The following FBLN7 variants were observed in gnomAD, a reference collection of about 807,000 sequenced individuals.
FBLN7 encodes the protein fibulin 7.
Under a neutral mutation model 44.0 loss-of-function variants are expected in FBLN7, and 31 were observed. The observed-to-expected ratio is 0.70, with a 90% CI of 0.53 to 0.95. The LOEUF is 0.95. Ranked by LOEUF, FBLN7 falls within the 40% of genes least tolerant of loss-of-function variation. The probability of loss-of-function intolerance (pLI) is 0.00; values close to 1 mark genes in which losing one functional copy is unlikely to be tolerated. For synonymous variants in FBLN7, 262 were observed against 253.4 expected (o/e 1.03, Z -0.32); for missense variants, 573 against 618.5 (o/e 0.93, Z 0.78).
At position 112,187,327 on chromosome 2, in the gene FBLN7, C is replaced by T. The variant is rs766472285; in HGVS notation, c.1141C>T (p.Arg381Cys). The change falls in exon 8 of 8, where the codon CGC (arginine) becomes TGC (cysteine). Residue 381 changes from arginine (R) to cysteine (C), a missense_variant. Physicochemically the swap from Arg to Cys is radical, Grantham distance 180. Coordinates refer to ENST00000331203, the MANE Select transcript of FBLN7 (RefSeq NM_153214.3). The surrounding 1 kb of genome is among the most constrained non-coding windows in gnomAD (Gnocchi z 5.1). ...GTTTGGGATCGTGGGTGGGAACAGC[C>T]GCGGCCACTTTGTGATGCAGCGTTC... ...LRFGIVGGNS[R>C]GHFVMQRSDR... 1.1e-5 allele frequency: 18 copies of T among 1,614,042 alleles called. No individual in the cohort carries two copies. The highest frequency in any genetic ancestry group is 1.1e-4 in the East Asian group (5 of 44,890).
At chr2:112,234,538 C>T in the FBLN7 span, among the ~76,000 whole-genome samples, 3 of 152,126 alleles carry the variant, frequency 2.0e-5, no homozygotes, top group Non-Finnish European at 4.4e-5. Context: ...CAGTGGCTCA[C>T]GCCTGTAATC....
chr2:112,138,634 C>A lies in FBLN7; in HGVS notation c.-22C>A. Reference sequence around the variant, plus strand: ...AGGCAAAGTTATTTCCCCTCCCAGGCAGCGGGATTCCGACTGGCAAGATGG... The same window carrying A: ...AGGCAAAGTTATTTCCCCTCCCAGGAAGCGGGATTCCGACTGGCAAGATGG... On this transcript the variant is annotated 5_prime_UTR_variant, in exon 1 of 8. Transcript: ENST00000331203. 1.2e-6 allele frequency: 2 copies of A among 1,613,828 alleles called. No individual in the cohort carries two copies. Among genetic ancestry groups the A allele is most frequent in the Middle Eastern group, 1.7e-4 (1 of 5,980 alleles).
chr2:112,184,836 T>TAC (rs201187119), intron 6 of FBLN7, among the ~76,000 whole-genome samples: 3,257 of 140,430 alleles, frequency 0.023, 116 homozygotes, highest in African/African-American at 0.087. Flanking sequence ...TACATATATA[T>TAC]ACACACACAC....
the FBLN7 span, among the ~76,000 whole-genome samples, chr2:112,239,095 T>C: frequency 1.6e-3 from 237 of 152,356 alleles, 2 homozygotes; most frequent in African/African-American, 5.6e-3. Context: ...CCCTATTCTC[T>C]GTAATCAAGT....
At chr2:112,164,948 A>G (rs1682065543) in intron 2 of FBLN7, 53 bp from the exon 3 acceptor site, 1 of 1,586,176 alleles carries the variant, frequency 6.3e-7, no homozygotes, top group South Asian at 1.2e-5. Flanking sequence ...AGTAATGTCT[A>G]AGGGCTGTGG....
At chr2:112,171,309 A>G (rs944467128) in intron 3 of FBLN7, among the ~76,000 whole-genome samples, 1 of 152,158 alleles carries the variant, frequency 6.6e-6, no homozygotes, top group African/African-American at 2.4e-5. Context: ...CCTGCAGGGC[A>G]CTGAGAAGTC....
chr2:112,231,063 T>TCC, the FBLN7 span: 1 of 692,600 alleles, frequency 1.4e-6, no homozygotes, highest in Admixed American at 5.3e-5. Context: ...CTAATAATCA[T>TCC]CTAATATTAT....
chr2:112,197,292 G>GAC, the FBLN7 span, among the ~76,000 whole-genome samples: 1 of 150,410 alleles, frequency 6.6e-6, no homozygotes, highest in Non-Finnish European at 1.5e-5. Context: ...GAGAGAGAGA[G>GAC]AGAGAGAGAG....
At chr2:112,233,102 G>GA in the FBLN7 span, among the ~76,000 whole-genome samples, 68 of 152,198 alleles carry the variant, frequency 4.5e-4, no homozygotes, top group East Asian at 0.01. Flanking sequence ...TCTTGCTTAT[G>GA]AAAAAATCCA....
rs536841521 is a variant in FBLN7 at position 112,164,869 on chromosome 2, C to G, written c.236-132C>G. ...TGATGAGACGCAGCATGCAGAATGA[C>G]CAGCACAGTGCACAGCCTGCAGCAG... On this transcript the variant is annotated intron_variant, in intron 2 of 7. Coordinates refer to ENST00000331203, the MANE Select transcript of FBLN7 (RefSeq NM_153214.3). 99 of 984,788 alleles carry G rather than the reference C, an allele frequency of 1.0e-4. No individual in the cohort carries two copies. In the South Asian group the frequency reaches 1.6e-3, roughly 16 times the overall value. 61.0% of individuals were successfully genotyped at this position (984,788 alleles called of 1,614,324 possible).
chr2:112,170,222 A>G (rs991648883), intron 3 of FBLN7, among the ~76,000 whole-genome samples: 2 of 151,786 alleles, frequency 1.3e-5, no homozygotes, highest in Non-Finnish European at 2.9e-5. Context: ...AGCCTGGGTG[A>G]CAAGAGCAAA....
At chr2:112,220,935 G>C in the FBLN7 span, among the ~76,000 whole-genome samples, 1 of 152,166 alleles carries the variant, frequency 6.6e-6, no homozygotes, top group African/African-American at 2.4e-5. Context: ...TCCGTCATGA[G>C]GATGATCTTC....
chr2:112,166,020 G>T (rs1007656490), intron 3 of FBLN7, among the ~76,000 whole-genome samples: 2 of 150,624 alleles, frequency 1.3e-5, no homozygotes, highest in African/African-American at 5.0e-5. Context: ...CAAGAAGATT[G>T]CAAAAGCAGA....
chr2:112,185,296 C>T lies in FBLN7; in HGVS notation c.904C>T (p.Pro302Ser). 1 of 1,613,882 alleles carries T rather than the reference C, an allele frequency of 6.2e-7. No homozygotes were observed. The highest frequency in any genetic ancestry group is 8.5e-7 in the Non-Finnish European group (1 of 1,179,838). ...GSFQCVSPECPEGSGNVSYVK... is the reference protein window; with the variant it reads ...GSFQCVSPECSEGSGNVSYVK... ...CTTCCAGTGTGTCAGCCCTGAGTGC[C>T]CCGAGGGCAGCGGCAATGTGAGCTA... Residue 302 changes from proline (P) to serine (S), a missense_variant, in exon 7 of 8, where the codon CCC becomes TCC. Coordinates refer to ENST00000331203, the MANE Select transcript of FBLN7 (RefSeq NM_153214.3).
At chr2:112,206,930 A>T in the FBLN7 span, among the ~76,000 whole-genome samples, 1 of 143,162 alleles carries the variant, frequency 7.0e-6, no homozygotes, top group Non-Finnish European at 1.5e-5. Flanking sequence ...ATGGGGTCTC[A>T]CTCTGTTTTC....
At chr2:112,235,448 T>G in the FBLN7 span, among the ~76,000 whole-genome samples, 1 of 152,240 alleles carries the variant, frequency 6.6e-6, no homozygotes, top group Non-Finnish European at 1.5e-5. Context: ...AGTCCTGGCT[T>G]GGCCCTGTGT....
At chr2:112,223,263 A>AAAAG in the FBLN7 span, among the ~76,000 whole-genome samples, 3 of 152,224 alleles carry the variant, frequency 2.0e-5, no homozygotes, top group East Asian at 5.8e-4. Context: ...ATAATTTAAA[A>AAAAG]AAAGAAAAAA....
chr2:112,204,405 A>T, the FBLN7 span, among the ~76,000 whole-genome samples: 47 of 152,216 alleles, frequency 3.1e-4, no homozygotes, highest in East Asian at 7.9e-3. Flanking sequence ...ATTTGAATAA[A>T]TAAGGCAGGA....
the FBLN7 span, among the ~76,000 whole-genome samples, chr2:112,224,831 A>T: frequency 6.6e-6 from 1 of 152,224 alleles, no homozygotes; most frequent in Non-Finnish European, 1.5e-5. Flanking sequence ...GAGAAGAATG[A>T]ATTGTAGTAA....
Sources: allele counts gnomAD v4.1 joint callset (sites outside exome capture counted in the v4.1 genomes callset), GRCh38; gene constraint gnomAD v4.1.1; non-coding constraint Gnocchi (gnomAD v3.1); transcripts MANE v1.5; gene names NCBI Gene and HGNC (gene_info 2026-07-23, HGNC 2026-07-21).